CEP128: variants seen among roughly 807,000 people sequenced by gnomAD.
CEP128 encodes centrosomal protein 128kDa.
Under a neutral mutation model 156.7 loss-of-function variants are expected in CEP128, and 132 were observed. That is an observed-to-expected ratio of 0.84 (90% CI 0.73 to 0.97). The LOEUF (loss-of-function observed/expected upper bound fraction) is 0.97. CEP128 is among the 50% of genes least tolerant of loss of function. The pLI, the probability that CEP128 is intolerant of heterozygous loss-of-function variation, is 0.00. For missense variants in CEP128, 1,252 were observed against 1,281.9 expected (o/e 0.98, Z 0.36); for synonymous variants, 469 against 448.9 (o/e 1.04, Z -0.57).
chr14:80,773,952 A>G lies in CEP128; in HGVS notation c.2376+3930T>C, dbSNP rs75559157. ...CTGGTTAGAAGCTAGTAATAAAAGT[A>G]CCAAATGAATATGTAAAAATCTGTG... On this transcript the variant is annotated intron_variant, in intron 16 of 24. Transcript: ENST00000555265. 5.5e-3 allele frequency among the ~76,000 whole-genome samples: 835 copies of G among 152,342 alleles called. 9 individuals carry two copies. Among genetic ancestry groups the G allele is most frequent in the African/African-American group, 0.019 (786 of 41,582 alleles).
intron 19 of CEP128, among the ~76,000 whole-genome samples, chr14:80,728,819 T>C (rs1198455050): frequency 1.3e-5 from 2 of 152,210 alleles, no homozygotes; most frequent in African/African-American, 4.8e-5. Flanking sequence ...TAGAACATTA[T>C]AAATATACTA....
rs975129866 is a variant in CEP128 at position 80,496,538 on chromosome 14, G to A, written c.*941C>T. The A allele has an allele frequency of 1.3e-5, 2 of 152,562 alleles. No individual in the cohort carries two copies. Among genetic ancestry groups the A allele is most frequent in the African/African-American group, 2.4e-5 (1 of 41,422 alleles). The allele number at this position is 152,562 out of a possible 1,614,324, so 9.5% of individuals were successfully genotyped here. A position where few individuals can be genotyped will look rare whatever the true frequency, so the allele number is the denominator to read the frequency against. On this transcript the variant is annotated 3_prime_UTR_variant, in exon 25 of 25. Coordinates refer to ENST00000555265, the MANE Select transcript of CEP128 (RefSeq NM_152446.5). ...TCTATGCAGAATCCATGACCCAATA[G>A]GATTCAGTTCCTGAAAGTTTACTAT...
At chr14:80,917,877 T>C (rs1041654977) in intron 2 of CEP128, among the ~76,000 whole-genome samples, 2 of 152,186 alleles carry the variant, frequency 1.3e-5, no homozygotes, top group African/African-American at 4.8e-5. Flanking sequence ...TGCCATAAGG[T>C]TAGGTTTTTT....
chr14:80,821,433 T>C (rs1236941103), intron 13 of CEP128, among the ~76,000 whole-genome samples: 1 of 152,166 alleles, frequency 6.6e-6, no homozygotes, highest in African/African-American at 2.4e-5. Flanking sequence ...CCGCATTTGT[T>C]TAGTGCCACC....
chr14:80,490,206 G>A (rs1348938265), downstream of CEP128, among the ~76,000 whole-genome samples: 1 of 152,004 alleles, frequency 6.6e-6, no homozygotes, highest in Non-Finnish European at 1.5e-5. Context: ...AGATGGAAAG[G>A]TAGAAAAAAT....
At chr14:80,921,018 A>C (rs1884830334) in intron 2 of CEP128, among the ~76,000 whole-genome samples, 1 of 152,258 alleles carries the variant, frequency 6.6e-6, no homozygotes. Context: ...CTCAAATTTC[A>C]AAATACAAGA....
chr14:80,623,450 AAAGTAT>A (rs1459690554), intron 19 of CEP128, among the ~76,000 whole-genome samples: 3 of 151,808 alleles, frequency 2.0e-5, no homozygotes, highest in African/African-American at 7.2e-5. Context: ...CCTAATACTT[AAAGTAT>A]AATAATAATA....
intron 19 of CEP128, among the ~76,000 whole-genome samples, chr14:80,685,925 G>A (rs1896507409): frequency 6.6e-6 from 1 of 151,974 alleles, no homozygotes; most frequent in Non-Finnish European, 1.5e-5. Flanking sequence ...AATTAACTTG[G>A]ACTCCTACGT....
At chr14:80,600,862 T>A (rs114876829) in intron 19 of CEP128, among the ~76,000 whole-genome samples, 1,768 of 149,630 alleles carry the variant, frequency 0.012, 32 homozygotes, top group African/African-American at 0.041. Context: ...ACAATAACAA[T>A]ACAAAGGAAA....
intron 22 of CEP128, 105 bp from the exon 23 acceptor site, chr14:80,527,087 A>G (rs1889008667): frequency 1.6e-6 from 1 of 607,074 alleles, no homozygotes; most frequent in Admixed American, 2.9e-5. Context: ...ATGAAAATAA[A>G]TAATTACAAA....
At chr14:80,904,092 T>A (rs1883739445) in intron 6 of CEP128, among the ~76,000 whole-genome samples, 1 of 152,164 alleles carries the variant, frequency 6.6e-6, no homozygotes, top group South Asian at 2.1e-4. Context: ...ACAACCTAAG[T>A]GTCTATCAGT....
chr14:80,807,142 G>A (rs892363392), intron 13 of CEP128, among the ~76,000 whole-genome samples: 2 of 151,822 alleles, frequency 1.3e-5, no homozygotes, highest in East Asian at 3.9e-4. Context: ...CTTTAATCAG[G>A]CCCTCAATAA....
chr14:80,488,607 G>A (rs558659842), downstream of CEP128, among the ~76,000 whole-genome samples: 8 of 151,780 alleles, frequency 5.3e-5, no homozygotes, highest in African/African-American at 9.7e-5. Flanking sequence ...CTAGAAATAC[G>A]GTTTGACCCA....
intron 19 of CEP128, among the ~76,000 whole-genome samples, chr14:80,581,565 T>C (rs1258077082): frequency 6.6e-6 from 1 of 152,132 alleles, no homozygotes; most frequent in East Asian, 1.9e-4. Context: ...GGGTTACAGA[T>C]GAGTGGTAAG....
intron 6 of CEP128, chr14:80,490,788 T>C (rs1479059654): frequency 6.6e-6 from 1 of 152,090 alleles, no homozygotes; most frequent in Non-Finnish European, 1.5e-5. Flanking sequence ...ACCTGGAAAA[T>C]AGCCACTTTC....
intron 21 of CEP128, among the ~76,000 whole-genome samples, chr14:80,557,298 G>A (rs1264179995): frequency 2.0e-5 from 3 of 152,118 alleles, no homozygotes; most frequent in Admixed American, 6.5e-5. Context: ...ACAAGCAATC[G>A]TGGTAACGAT....
Position 80,916,511 on chromosome 14 carries a change from A to T in CEP128, c.37T>A (p.Cys13Ser). 1 of 1,614,044 alleles carries T rather than the reference A, an allele frequency of 6.2e-7. No homozygotes were observed. The highest frequency in any genetic ancestry group is 8.5e-7 in the Non-Finnish European group (1 of 1,179,906). The change falls in exon 3 of 25, where the codon TGT becomes AGT. Residue 13 changes from cysteine (C) to serine (S), a missense_variant. Coordinates refer to ENST00000555265, the MANE Select transcript of CEP128 (RefSeq NM_152446.5). ...GCCCATGGACTCAATCGGTCACGACAGCGGAAGTGATCTGATTCGCTGGAT... is the reference window on the plus strand; with the variant it reads ...GCCCATGGACTCAATCGGTCACGACTGCGGAAGTGATCTGATTCGCTGGAT... ...ESSSESDHFR[C>S]RDRLSPWAAR... is the part of the protein sequence containing the mutation.
At chr14:80,767,369 A>G (rs998389153) in intron 16 of CEP128, among the ~76,000 whole-genome samples, 4 of 152,164 alleles carry the variant, frequency 2.6e-5, no homozygotes, top group African/African-American at 4.8e-5. Flanking sequence ...TCTCAAAACT[A>G]GATTTTTACG....
chr14:80,871,834 A>G (rs757216156), intron 8 of CEP128, among the ~76,000 whole-genome samples: 1 of 152,172 alleles, frequency 6.6e-6, no homozygotes, highest in Non-Finnish European at 1.5e-5. Flanking sequence ...AAAAATTAGA[A>G]TGGCTTTTAA....
Sources: gnomAD v4.1 joint callset for allele counts (sites outside exome capture counted in the v4.1 genomes callset) on GRCh38, gnomAD v4.1.1 for gene constraint, MANE v1.5 for transcripts, NCBI Gene and HGNC (gene_info 2026-07-23, HGNC 2026-07-21) for gene names.